CALN1: variants seen among roughly 807,000 people sequenced by gnomAD.
The protein encoded by CALN1 is calcium-binding protein 8.
CALN1 carries 17 observed loss-of-function variants against 30.6 expected under a neutral mutation model. The ratio of observed to expected loss-of-function variants is 0.56; its 90% CI spans 0.38 to 0.83. The LOEUF (loss-of-function observed/expected upper bound fraction) is 0.83, where lower values mean the gene tolerates loss of function less well. Ranked by LOEUF, CALN1 falls within the 40% of genes least tolerant of loss-of-function variation. The pLI is 0.00. For synonymous variants in CALN1, 156 were observed against 131.4 expected, an observed-to-expected ratio of 1.19 and a Z score of -1.28; for missense variants, 291 against 354.9, an observed-to-expected ratio of 0.82 and a Z score of 1.45.
intron 5 of CALN1, among the ~76,000 whole-genome samples, chr7:71,880,486 C>T (rs1792499608): frequency 6.6e-6 from 1 of 152,120 alleles, no homozygotes; most frequent in African/African-American, 2.4e-5. Flanking sequence ...CCCTCTCTTG[C>T]CTTTTCTTTC....
intron 3 of CALN1, among the ~76,000 whole-genome samples, chr7:72,208,275 A>T (rs571223533): frequency 2.6e-5 from 4 of 152,228 alleles, no homozygotes; most frequent in Non-Finnish European, 5.9e-5. Flanking sequence ...CTTACAAGAG[A>T]AAAGTTATTT....
chr7:72,127,698 G>A (rs573966749), intron 3 of CALN1, among the ~76,000 whole-genome samples: 4 of 152,192 alleles, frequency 2.6e-5, no homozygotes. Context: ...AAATCCAGAA[G>A]GTTTGTTTGA....
At position 72,033,580 on chromosome 7, in the gene CALN1, G is replaced by A. The variant is rs115835133; in HGVS notation, c.389-9811C>T. Among the ~76,000 whole-genome samples the A allele has an allele frequency of 3.0e-3, 464 of 152,312 alleles. 5 individuals carry two copies. Among genetic ancestry groups the A allele is most frequent in the African/African-American group, 9.2e-3 (381 of 41,572 alleles). On this transcript the variant is annotated intron_variant, in intron 4 of 6. Transcript: ENST00000395275. ...TTTTGCAGTGAGCCTTTAAAAGAGG[G>A]AAGGATTCTAATGAATTGCAAAGGG...
chr7:72,364,562 C>G (rs756268689), intron 2 of CALN1, among the ~76,000 whole-genome samples: 1 of 152,094 alleles, frequency 6.6e-6, no homozygotes, highest in Non-Finnish European at 1.5e-5. Context: ...AGAAAAGTGC[C>G]TGGCAAAGTA....
chr7:72,386,354 G>C (rs568897967), intron 2 of CALN1, among the ~76,000 whole-genome samples: 1 of 152,238 alleles, frequency 6.6e-6, no homozygotes, highest in East Asian at 1.9e-4. Context: ...TCGGAGAAAA[G>C]TGCTGACTTA....
At chr7:71,926,391 A>G (rs1329719176) in intron 5 of CALN1, among the ~76,000 whole-genome samples, 1 of 152,126 alleles carries the variant, frequency 6.6e-6, no homozygotes, top group Non-Finnish European at 1.5e-5. Context: ...TGATCAAACC[A>G]ATGAGCTTCT....
intron 2 of CALN1, among the ~76,000 whole-genome samples, chr7:72,364,538 T>C (rs887044642): frequency 1.3e-5 from 2 of 152,210 alleles, no homozygotes; most frequent in Non-Finnish European, 2.9e-5. Flanking sequence ...TTAACTAATA[T>C]AGCACAAATT....
chr7:71,810,253 T>C (rs185801614), intron 6 of CALN1, 83 bp downstream of exon 6: 1 of 1,446,048 alleles, frequency 6.9e-7, no homozygotes, highest in African/African-American at 1.4e-5. Flanking sequence ...CAAGAGCCTG[T>C]GTGTGAACGC....
chr7:72,402,564 A>C (rs535635701), intron 2 of CALN1, among the ~76,000 whole-genome samples: 1 of 152,326 alleles, frequency 6.6e-6, no homozygotes, highest in African/African-American at 2.4e-5. Context: ...ATTGTGTTCT[A>C]TACCAAACCA....
intron 3 of CALN1, among the ~76,000 whole-genome samples, chr7:72,192,629 TTATTATTATTATTATTATTATTA>T (rs1790690634): frequency 4.6e-4 from 1 of 2,174 alleles, no homozygotes; most frequent in Non-Finnish European, 6.9e-3. Context: ...ATTTCTTTTA[TTATTATTATTATTATTATTATTA>T]TTATTATTAT....
At position 71,784,326 on chromosome 7, in the gene CALN1, T is replaced by G. The variant is rs1792871790; in HGVS notation, c.*3449A>C. The G allele has an allele frequency of 6.6e-6, 1 of 152,392 alleles. No individual in the cohort carries two copies. The highest frequency in any genetic ancestry group is 2.1e-4 in the South Asian group (1 of 4,822). The allele number at this position is 152,392 out of a possible 1,614,324, so 9.4% of individuals were successfully genotyped here. A position where few individuals can be genotyped will look rare whatever the true frequency, so the allele number is the denominator to read the frequency against. ...CAGGATACAGATGCAGAGAGTCAGGTTGCACTCAGGCTGAATTGGAGTGTT... is the reference window on the plus strand; with the variant it reads ...CAGGATACAGATGCAGAGAGTCAGGGTGCACTCAGGCTGAATTGGAGTGTT... On this transcript the variant is annotated 3_prime_UTR_variant, in exon 7 of 7. Transcript: ENST00000395275.
At chr7:71,981,802 C>A (rs1365846146) in intron 5 of CALN1, among the ~76,000 whole-genome samples, 1 of 152,060 alleles carries the variant, frequency 6.6e-6, no homozygotes, top group Non-Finnish European at 1.5e-5. Flanking sequence ...AATTGAAGGA[C>A]TCCCGGCTTG....
At chr7:72,091,439 G>A (rs556354428) in intron 4 of CALN1, among the ~76,000 whole-genome samples, 154 of 152,276 alleles carry the variant, frequency 1.0e-3, no homozygotes, top group African/African-American at 3.3e-3. Context: ...CACTTTAGGC[G>A]ATGGATACCT....
chr7:72,280,314 C>A (rs1418103458), intron 2 of CALN1, among the ~76,000 whole-genome samples: 1 of 152,324 alleles, frequency 6.6e-6, no homozygotes, highest in African/African-American at 2.4e-5. Context: ...TGTCAGCTTG[C>A]AACCCATCCC....
intron 3 of CALN1, among the ~76,000 whole-genome samples, chr7:72,137,113 G>A (rs1809564093): frequency 6.6e-6 from 1 of 152,188 alleles, no homozygotes. Flanking sequence ...GGAAAGGGGG[G>A]CTTGTCATAG....
At chr7:72,052,118 C>G (rs1428701787) in intron 4 of CALN1, among the ~76,000 whole-genome samples, 2 of 151,986 alleles carry the variant, frequency 1.3e-5, no homozygotes, top group African/African-American at 4.8e-5. Flanking sequence ...GATTGTCTAT[C>G]TAGAAAAAAA....
intron 3 of CALN1, among the ~76,000 whole-genome samples, chr7:72,230,005 G>A (rs1012329417): frequency 6.6e-6 from 1 of 151,142 alleles, no homozygotes; most frequent in South Asian, 2.1e-4. Flanking sequence ...GCTGGGCGTG[G>A]TGGTGGGCGC....
chr7:72,080,672 G>A (rs1805074925), intron 4 of CALN1, among the ~76,000 whole-genome samples: 1 of 152,110 alleles, frequency 6.6e-6, no homozygotes, highest in Non-Finnish European at 1.5e-5. Flanking sequence ...TGAACAAGGT[G>A]TGCTAGGAGG....
chr7:72,317,086 G>GAGAGAGAAAGAAAC (rs770461344), intron 2 of CALN1, among the ~76,000 whole-genome samples: 2,607 of 143,122 alleles, frequency 0.018, 47 homozygotes, highest in Non-Finnish European at 0.03. Flanking sequence ...CAGAAAGAGA[G>GAGAGAGAAAGAAAC]AGAGAGAGGG....
Sources: allele counts gnomAD v4.1 joint callset (sites outside exome capture counted in the v4.1 genomes callset), GRCh38; gene constraint gnomAD v4.1.1; transcripts MANE v1.5; gene names NCBI Gene and HGNC (gene_info 2026-07-23, HGNC 2026-07-21).